The following ADARB2 variants were observed in gnomAD, a reference collection of about 807,000 sequenced individuals.
The protein encoded by ADARB2 is adenosine deaminase RNA specific B2 (inactive).
In ADARB2, 25 loss-of-function variants were observed where a neutral mutation model predicts 62.2. That is an observed-to-expected ratio of 0.40 (90% confidence interval 0.29 to 0.56). The LOEUF (loss-of-function observed/expected upper bound fraction) is 0.56. ADARB2 is among the 20% of genes least tolerant of loss of function. The pLI is 0.43. For synonymous variants in ADARB2, 572 were observed against 500.8 expected, an observed-to-expected ratio of 1.14 and a Z score of -1.90; for missense variants, 1,071 against 1,077.4, an observed-to-expected ratio of 0.99 and a Z score of 0.08.
chr10:1,672,240 T>TGTGGACTGC (rs1564363876), intron 1 of ADARB2, among the ~76,000 whole-genome samples: 1 of 152,130 alleles, frequency 6.6e-6, no homozygotes, highest in Non-Finnish European at 1.5e-5. Flanking sequence ...CTTTGCAGCT[T>TGTGGACTGC]GGGGCTCCTG....
chr10:1,587,397 C>T (rs935558028), intron 1 of ADARB2, among the ~76,000 whole-genome samples: 1 of 152,176 alleles, frequency 6.6e-6, no homozygotes, highest in East Asian at 1.9e-4. Context: ...AAATATAGGA[C>T]TTTCTTGCTT....
intron 3 of ADARB2, among the ~76,000 whole-genome samples, chr10:1,317,756 G>GGC (rs1554753969): frequency 7.1e-6 from 1 of 140,760 alleles, no homozygotes; most frequent in Non-Finnish European, 1.6e-5. Flanking sequence ...TAGGCCTGGG[G>GGC]GGGGGTGGGT....
rs190101970 is a variant in ADARB2 at position 1,722,409 on chromosome 10, T to G, written c.100+14642A>C. ...ACTCTGAATCAGTTAATCTAAGAAG[T>G]GACTTCTTGTTTATGCAGGCAAGTG... On this transcript the variant is annotated intron_variant, in intron 1 of 9. Transcript: ENST00000381312. Among the ~76,000 whole-genome samples, 171 of 152,316 alleles carry G rather than the reference T, an allele frequency of 1.1e-3. 2 individuals are homozygous for G. The highest frequency in any genetic ancestry group is 1.7e-3 in the East Asian group (9 of 5,188).
chr10:1,588,028 C>T (rs1396925647), intron 1 of ADARB2, among the ~76,000 whole-genome samples: 1 of 152,192 alleles, frequency 6.6e-6, no homozygotes, highest in Admixed American at 6.5e-5. Flanking sequence ...TTATCAACAG[C>T]TGAAAGCGGA....
chr10:1,217,369 ACT>A (rs530270081), intron 6 of ADARB2, among the ~76,000 whole-genome samples: 43 of 151,596 alleles, frequency 2.8e-4, no homozygotes, highest in Admixed American at 2.8e-3. Flanking sequence ...CATGGGCCAG[ACT>A]CTCTTTTCAC....
At chr10:1,293,500 G>C (rs1288057626) in intron 3 of ADARB2, among the ~76,000 whole-genome samples, 1 of 152,190 alleles carries the variant, frequency 6.6e-6, no homozygotes, top group Non-Finnish European at 1.5e-5. Context: ...TGCCTCTGTT[G>C]TGAGCATCTC....
chr10:1,211,204 T>TTATC lies in ADARB2; in HGVS notation c.1682+5743_1682+5746dup, dbSNP rs371484784. On this transcript the variant is annotated intron_variant, in intron 7 of 9. Coordinates refer to ENST00000381312, the MANE Select transcript of ADARB2 (RefSeq NM_018702.4). ...TCTAATTTTCATCTATCATCTATCA[T>TTATC]TATCATCTATCATCTACCTATCATC... Among the ~76,000 whole-genome samples the TTATC allele has an allele frequency of 4.1e-4, 62 of 152,062 alleles. 1 individual carries two copies. Among genetic ancestry groups the TTATC allele is most frequent in the African/African-American group, 1.5e-3 (61 of 41,518 alleles).
chr10:1,585,767 T>G lies in ADARB2; in HGVS notation c.100+151284A>C, dbSNP rs537099901. 7.5e-4 allele frequency among the ~76,000 whole-genome samples: 114 copies of G among 152,284 alleles called. 1 individual carries two copies. Among genetic ancestry groups the G allele is most frequent in the African/African-American group, 2.1e-3 (89 of 41,558 alleles). Reference sequence around the variant, plus strand: ...AACCAAACTGTGTCTGGGTGCGGTGTCTCACACCTGTAATCTCAGCACTTT... The same window carrying G: ...AACCAAACTGTGTCTGGGTGCGGTGGCTCACACCTGTAATCTCAGCACTTT... On this transcript the variant is annotated intron_variant, in intron 1 of 9. Coordinates refer to ENST00000381312, the MANE Select transcript of ADARB2 (RefSeq NM_018702.4).
At chr10:1,226,609 TGTTA>T (rs970567005) in intron 6 of ADARB2, among the ~76,000 whole-genome samples, 8 of 152,278 alleles carry the variant, frequency 5.3e-5, no homozygotes, top group Admixed American at 5.2e-4. Flanking sequence ...CCTTTCTGTT[TGTTA>T]GTTTTCCTTC....
At chr10:1,681,654 C>T (rs914880824) in intron 1 of ADARB2, among the ~76,000 whole-genome samples, 2 of 152,148 alleles carry the variant, frequency 1.3e-5, no homozygotes, top group Non-Finnish European at 2.9e-5. Flanking sequence ...AAGAGCTCCA[C>T]TATTCTGCAA....
chr10:1,189,600 G>A (rs1335935394), intron 8 of ADARB2, among the ~76,000 whole-genome samples: 2 of 152,024 alleles, frequency 1.3e-5, no homozygotes, highest in Admixed American at 6.5e-5. Flanking sequence ...GATTGAAGAC[G>A]GAACTCGAGT....
At chr10:1,475,927 AT>A (rs1468076147) in intron 1 of ADARB2, among the ~76,000 whole-genome samples, 1 of 152,180 alleles carries the variant, frequency 6.6e-6, no homozygotes, top group Non-Finnish European at 1.5e-5. Flanking sequence ...AAACACGAAC[AT>A]TTTTGTTTCA....
chr10:1,601,587 G>A (rs1019843758), intron 1 of ADARB2, among the ~76,000 whole-genome samples: 2 of 152,284 alleles, frequency 1.3e-5, no homozygotes, highest in South Asian at 4.1e-4. Flanking sequence ...CATGAAACTT[G>A]GCATGCTGTA....
At chr10:1,283,652 T>C (rs1481209269) in intron 3 of ADARB2, among the ~76,000 whole-genome samples, 1 of 152,168 alleles carries the variant, frequency 6.6e-6, no homozygotes, top group African/African-American at 2.4e-5. Context: ...GAATAACTAG[T>C]GTAGACAGCC....
intron 4 of ADARB2, among the ~76,000 whole-genome samples, chr10:1,260,622 A>T (rs1246741776): frequency 1.3e-5 from 2 of 152,032 alleles, no homozygotes; most frequent in African/African-American, 4.8e-5. Context: ...TTCAAGGAGA[A>T]ATACAAACCA....
chr10:1,580,851 C>T (rs1025663868), intron 1 of ADARB2, among the ~76,000 whole-genome samples: 7 of 152,216 alleles, frequency 4.6e-5, no homozygotes, highest in Admixed American at 3.3e-4. Flanking sequence ...TTTCAGACTG[C>T]CTCATTCACG....
intron 1 of ADARB2, among the ~76,000 whole-genome samples, chr10:1,617,685 C>T (rs1185870096): frequency 4.0e-5 from 6 of 148,960 alleles, no homozygotes; most frequent in East Asian, 3.9e-4. Flanking sequence ...CACTCCACAC[C>T]GCCCTGCTGT....
chr10:1,659,559 G>T (rs942448456), intron 1 of ADARB2, among the ~76,000 whole-genome samples: 1 of 152,234 alleles, frequency 6.6e-6, no homozygotes, highest in Non-Finnish European at 1.5e-5. Context: ...TTCTCAGCGC[G>T]TCTCCAGCTG....
chr10:1,403,627 C>T (rs34019085), intron 1 of ADARB2, among the ~76,000 whole-genome samples: 26,256 of 152,146 alleles, frequency 0.17, 2,703 homozygotes, highest in South Asian at 0.25. Context: ...GGCAGCTGCC[C>T]ACTCTGAGGG....
Sources: gnomAD v4.1 joint callset for allele counts (sites outside exome capture counted in the v4.1 genomes callset) on GRCh38, gnomAD v4.1.1 for gene constraint, MANE v1.5 for transcripts, NCBI Gene and HGNC (gene_info 2026-07-23, HGNC 2026-07-21) for gene names.